Variants in TNR observed in about 807,000 individuals in gnomAD.
The protein encoded by TNR is tenascin R, also known as tenascin-R.
TNR carries 45 observed loss-of-function variants against 150.4 expected under a neutral mutation model. The observed-to-expected ratio is 0.30, with a 90% CI of 0.24 to 0.38. TNR has a LOEUF of 0.38. TNR is among the 10% of genes least tolerant of loss of function. The probability of loss-of-function intolerance (pLI) is 1.00; values close to 1 mark genes in which losing one functional copy is unlikely to be tolerated. For missense variants in TNR, 1,544 were observed against 1,759.1 expected, an observed-to-expected ratio of 0.88 and a Z score of 2.19; for synonymous variants, 687 against 678.4, an observed-to-expected ratio of 1.01 and a Z score of -0.20.
At chr1:175,415,795 A>G (rs1654415316) in intron 2 of TNR, among the ~76,000 whole-genome samples, 1 of 152,216 alleles carries the variant, frequency 6.6e-6, no homozygotes, top group African/African-American at 2.4e-5. Flanking sequence ...TTGAGTATCA[A>G]TCAAGGGAAT....
At chr1:175,330,424 G>T in intron 20 of TNR, 189 bp from the exon 21 acceptor site, 1 of 549,394 alleles carries the variant, frequency 1.8e-6, no homozygotes, top group East Asian at 3.1e-5. Context: ...CCTGCAAAGA[G>T]GACAGTCCAG....
At chr1:175,323,499 T>G in intron 22 of TNR, 23 bp from the exon 23 acceptor site, 1 of 1,611,794 alleles carries the variant, frequency 6.2e-7, no homozygotes, top group Non-Finnish European at 8.5e-7. Flanking sequence ...AAGATAAGCA[T>G]GTCAGGTCAT....
chr1:175,719,954 G>T (rs1205076839), intron 1 of TNR, among the ~76,000 whole-genome samples: 1 of 152,158 alleles, frequency 6.6e-6, no homozygotes, highest in Admixed American at 6.5e-5. Context: ...TGCCTGCCAG[G>T]CAGGGCACTG....
At chr1:175,378,391 CA>C (rs1652511430) in intron 9 of TNR, among the ~76,000 whole-genome samples, 1 of 152,126 alleles carries the variant, frequency 6.6e-6, no homozygotes, top group South Asian at 2.1e-4. Context: ...GTGCAATGTT[CA>C]CAGAGATTTA....
intron 1 of TNR, among the ~76,000 whole-genome samples, chr1:175,529,868 A>G (rs952856782): frequency 6.6e-6 from 1 of 152,182 alleles, no homozygotes; most frequent in African/African-American, 2.4e-5. Context: ...AAAGTCATGA[A>G]AAAAATTATG....
intron 1 of TNR, among the ~76,000 whole-genome samples, chr1:175,632,968 T>C (rs1232770625): frequency 1.3e-5 from 2 of 152,242 alleles, no homozygotes; most frequent in Non-Finnish European, 2.9e-5. Context: ...TTCTTGGCCA[T>C]ATACAGCTCA....
At chr1:175,592,512 G>A (rs1346907692) in intron 1 of TNR, among the ~76,000 whole-genome samples, 1 of 152,258 alleles carries the variant, frequency 6.6e-6, no homozygotes, top group Non-Finnish European at 1.5e-5. Context: ...TCGAGGAGCC[G>A]GAGGCTCTCT....
intron 1 of TNR, among the ~76,000 whole-genome samples, chr1:175,631,714 GTGTT>G (rs1305119060): frequency 3.9e-5 from 6 of 152,282 alleles, no homozygotes; most frequent in African/African-American, 9.6e-5. Flanking sequence ...GAGGGTGTGT[GTGTT>G]TGTGTGTGTG....
intron 1 of TNR, among the ~76,000 whole-genome samples, chr1:175,594,144 G>T (rs1662916124): frequency 6.6e-6 from 1 of 152,154 alleles, no homozygotes; most frequent in Non-Finnish European, 1.5e-5. Flanking sequence ...AACAGAGAAG[G>T]TGGGTGTACC....
At chr1:175,565,042 T>C (rs996815222) in intron 1 of TNR, among the ~76,000 whole-genome samples, 12 of 152,262 alleles carry the variant, frequency 7.9e-5, no homozygotes, top group African/African-American at 2.9e-4. Flanking sequence ...CATCCAAGGC[T>C]AAAAGCTGAG....
intron 2 of TNR, among the ~76,000 whole-genome samples, chr1:175,460,327 C>T (rs894468846): frequency 2.6e-5 from 4 of 152,112 alleles, no homozygotes; most frequent in Admixed American, 6.5e-5. Flanking sequence ...AAAGCAAGTC[C>T]AAGAGACCCA....
rs1027460827 is a variant in TNR at position 175,315,525 on chromosome 1, T to C, written c.*7832A>G. 9.2e-5 allele frequency: 14 copies of C among 152,248 alleles called. No homozygotes were observed. Among genetic ancestry groups the C allele is most frequent in the African/African-American group, 3.4e-4 (14 of 41,468 alleles). The allele number at this position is 152,248 out of a possible 1,614,324, so 9.4% of individuals were successfully genotyped here. A position where few individuals can be genotyped will look rare whatever the true frequency, so the allele number is the denominator to read the frequency against. On this transcript the variant is annotated 3_prime_UTR_variant, in exon 23 of 23. Transcript: ENST00000367674. ...AGCTACAAAGTCAATAAATTGGTCT[T>C]TGTTATTTTTACCTGAAAAGGCTGT...
chr1:175,372,766 A>C (rs578053370), intron 9 of TNR, among the ~76,000 whole-genome samples: 85 of 152,336 alleles, frequency 5.6e-4, no homozygotes, highest in Non-Finnish European at 8.5e-4. Flanking sequence ...GTTGGGATCA[A>C]GTGGACATGA....
chr1:175,387,519 G>A (rs1360316598), intron 7 of TNR, among the ~76,000 whole-genome samples: 1 of 152,166 alleles, frequency 6.6e-6, no homozygotes, highest in African/African-American at 2.4e-5. Flanking sequence ...GAAACCAGTG[G>A]CCATGCAGAG....
rs901360532 is a variant in TNR, at chr1:175,315,811, CATGTGTGT to C, written c.*7538_*7545del. On this transcript the variant is annotated 3_prime_UTR_variant, in exon 23 of 23. Transcript: ENST00000367674. ...ATGTGTGCATGCATGTGTGTGTGTG[CATGTGTGT>C]GTGTGTGTGTGTGTGTGTGTGTGTG... 9.0e-5 allele frequency: 8 copies of C among 89,098 alleles called. No homozygotes were observed. Among genetic ancestry groups the C allele is most frequent in the African/African-American group, 3.5e-4 (7 of 19,896 alleles). The allele number at this position is 89,098 out of a possible 1,614,324, so 5.5% of individuals were successfully genotyped here.
intron 1 of TNR, among the ~76,000 whole-genome samples, chr1:175,529,126 A>C (rs544147846): frequency 6.6e-6 from 1 of 152,334 alleles, no homozygotes; most frequent in East Asian, 1.9e-4. Context: ...ACAATTTCCA[A>C]GGAAGTGTCA....
chr1:175,472,260 A>T (rs1014407017), intron 2 of TNR, among the ~76,000 whole-genome samples: 1 of 152,186 alleles, frequency 6.6e-6, no homozygotes, highest in Admixed American at 6.5e-5. Flanking sequence ...TTCAGGAGCA[A>T]TAACATGTGT....
At position 175,651,929 on chromosome 1, in the gene TNR, G is replaced by A. The variant is rs113885152; in HGVS notation, c.-165+91297C>T. On this transcript the variant is annotated intron_variant, in intron 1 of 22. Coordinates refer to ENST00000367674, the MANE Select transcript of TNR (RefSeq NM_003285.3). ...ATCAGAAATCTGTTCAAATTACTAT[G>A]TTCATGGATGAAATAAGAATAATTA... is the stretch of plus-strand genomic sequence containing the variant. 8.7e-4 allele frequency among the ~76,000 whole-genome samples: 131 copies of A among 151,294 alleles called. 1 individual carries two copies. Among genetic ancestry groups the A allele is most frequent in the Middle Eastern group, 3.4e-3 (1 of 290 alleles).
At chr1:175,733,326 G>A (rs1667690967) in intron 1 of TNR, among the ~76,000 whole-genome samples, 1 of 152,170 alleles carries the variant, frequency 6.6e-6, no homozygotes, top group African/African-American at 2.4e-5. Context: ...GAAAGCAGTG[G>A]AACAGGGTGA....
Sources: allele counts gnomAD v4.1 joint callset (sites outside exome capture counted in the v4.1 genomes callset), GRCh38; gene constraint gnomAD v4.1.1; transcripts MANE v1.5; gene names NCBI Gene and HGNC (gene_info 2026-07-23, HGNC 2026-07-21).